The following LRMDA variants were observed in gnomAD, a reference collection of about 807,000 sequenced individuals.
LRMDA encodes leucine rich melanocyte differentiation associated, also known as leucine-rich melanocyte differentiation-associated protein.
Under a neutral mutation model 29.8 loss-of-function variants are expected in LRMDA, and 18 were observed. The observed-to-expected ratio is 0.60, with a 90% confidence interval of 0.42 to 0.90. LRMDA has a LOEUF of 0.90. Ranked by LOEUF, LRMDA falls within the 40% of genes least tolerant of loss-of-function variation. The pLI, the probability that LRMDA is intolerant of heterozygous loss-of-function variation, is 0.00. For missense variants in LRMDA, 273 were observed against 273.9 expected (o/e 1.00, Z 0.02); for synonymous variants, 125 against 109.4 (o/e 1.14, Z -0.89).
chr10:76,494,035 A>G (rs1273382114), intron 6 of LRMDA, among the ~76,000 whole-genome samples: 1 of 151,900 alleles, frequency 6.6e-6, no homozygotes, highest in Non-Finnish European at 1.5e-5. Flanking sequence ...TGTTACTTAC[A>G]TAAACTCATT....
chr10:75,602,809 A>T (rs781633206), intron 2 of LRMDA, among the ~76,000 whole-genome samples: 19 of 152,234 alleles, frequency 1.2e-4, no homozygotes, highest in Non-Finnish European at 2.2e-4. Flanking sequence ...AAAAGTTCAG[A>T]TTCAGGATAG....
chr10:76,090,111 G>C (rs992688290), intron 5 of LRMDA, among the ~76,000 whole-genome samples: 1 of 152,198 alleles, frequency 6.6e-6, no homozygotes, highest in Non-Finnish European at 1.5e-5. Flanking sequence ...GGAAAGTGGA[G>C]TGTGGGCTAC....
At position 75,563,492 on chromosome 10, in the gene LRMDA, G is replaced by A. The variant is rs534516297; in HGVS notation, c.131+124998G>A. Among the ~76,000 whole-genome samples the A allele has an allele frequency of 5.2e-3, 795 of 152,112 alleles. 6 individuals carry two copies. Among genetic ancestry groups the A allele is most frequent in the Non-Finnish European group, 7.5e-3 (511 of 67,996 alleles). The stretch of plus-strand genomic sequence containing the variant: ...TGGTTTGAATTTCCTCCTGTAGCTC[G>A]GAGTAGTTTGATCTTCTGAAGCCTT... On this transcript the variant is annotated intron_variant, in intron 2 of 6. Coordinates refer to ENST00000611255, the MANE Select transcript of LRMDA (RefSeq NM_001305581.2).
At chr10:76,057,299 C>T (rs1339800600) in intron 4 of LRMDA, among the ~76,000 whole-genome samples, 2 of 152,148 alleles carry the variant, frequency 1.3e-5, no homozygotes, top group Non-Finnish European at 2.9e-5. Context: ...ACTGAGAACA[C>T]CTTTGAGAGC....
chr10:76,491,259 T>G (rs1342884350), intron 6 of LRMDA, among the ~76,000 whole-genome samples: 3 of 152,008 alleles, frequency 2.0e-5, no homozygotes, highest in Non-Finnish European at 4.4e-5. Context: ...GTGTACTTAG[T>G]AAGACCAGTG....
rs565236615 is a variant in LRMDA at position 76,557,201 on chromosome 10, A to T, written c.602-8A>T. 56 of 1,612,142 alleles carry T rather than the reference A, an allele frequency of 3.5e-5. No homozygotes were observed. The East Asian group carries it at 1.2e-3, about 36-fold the overall frequency. ...CACCTGTAATGATGTGTGTCTTTTT[A>T]TTTGCAGGTGTCCTGGGGAAGTGTC... On this transcript the variant is annotated splice_polypyrimidine_tract_variant and splice_region_variant and intron_variant, in intron 6 of 6. Transcript: ENST00000611255.
At chr10:75,998,526 G>A (rs942722160) in intron 2 of LRMDA, among the ~76,000 whole-genome samples, 1 of 152,190 alleles carries the variant, frequency 6.6e-6, no homozygotes, top group Non-Finnish European at 1.5e-5. Context: ...ATAATAGCAA[G>A]CATGTATTGA....
At chr10:75,859,616 CA>C (rs1564588830) in intron 2 of LRMDA, among the ~76,000 whole-genome samples, 1 of 43,320 alleles carries the variant, frequency 2.3e-5, no homozygotes, top group East Asian at 1.1e-3. Context: ...CACACACACA[CA>C]CACACACACA....
intron 2 of LRMDA, among the ~76,000 whole-genome samples, chr10:75,574,489 ATGGCCACTACATT>A (rs1219536905): frequency 6.6e-6 from 1 of 152,186 alleles, no homozygotes; most frequent in Non-Finnish European, 1.5e-5. Flanking sequence ...TTCTGAACCC[ATGGCCACTACATT>A]TGGGCCTGTT....
chr10:75,491,238 T>C (rs1287852769), intron 2 of LRMDA, among the ~76,000 whole-genome samples: 2 of 152,240 alleles, frequency 1.3e-5, no homozygotes, highest in African/African-American at 2.4e-5. Context: ...TGTTTTAAGA[T>C]GTTTTGAGAC....
At chr10:75,701,866 T>C (rs1444455886) in intron 2 of LRMDA, among the ~76,000 whole-genome samples, 5 of 152,196 alleles carry the variant, frequency 3.3e-5, no homozygotes, top group Non-Finnish European at 7.3e-5. Context: ...TATACTGTCA[T>C]GTCACTCCCA....
intron 5 of LRMDA, among the ~76,000 whole-genome samples, chr10:76,240,097 C>CA (rs1852242930): frequency 6.6e-6 from 1 of 151,444 alleles, no homozygotes; most frequent in Admixed American, 6.6e-5. Context: ...AGACAATTCT[C>CA]AAAAAAGATA....
At chr10:76,180,514 C>T (rs1189144906) in intron 5 of LRMDA, among the ~76,000 whole-genome samples, 1 of 151,854 alleles carries the variant, frequency 6.6e-6, no homozygotes, top group Non-Finnish European at 1.5e-5. Flanking sequence ...CTCCTGACCT[C>T]GTGATCCTCC....
intron 2 of LRMDA, among the ~76,000 whole-genome samples, chr10:75,818,718 T>C (rs1269102712): frequency 6.6e-6 from 1 of 152,206 alleles, no homozygotes; most frequent in South Asian, 2.1e-4. Flanking sequence ...AGACCTGTCA[T>C]GGGATAGAGG....
intron 5 of LRMDA, among the ~76,000 whole-genome samples, chr10:76,186,070 A>AT (rs5786220): frequency 6.6e-5 from 10 of 151,242 alleles, no homozygotes; most frequent in South Asian, 6.3e-4. Context: ...AGCTGGTGGG[A>AT]TTTTTTTTTT....
At chr10:75,927,370 C>T (rs1166944686) in intron 2 of LRMDA, among the ~76,000 whole-genome samples, 1 of 152,176 alleles carries the variant, frequency 6.6e-6, no homozygotes, top group Non-Finnish European at 1.5e-5. Context: ...CCTGTTTTCT[C>T]CTTCACTTGT....
chr10:76,211,158 C>G (rs1246551640), intron 5 of LRMDA, among the ~76,000 whole-genome samples: 1 of 152,160 alleles, frequency 6.6e-6, no homozygotes, highest in Non-Finnish European at 1.5e-5. Flanking sequence ...TCATCTTGGG[C>G]TGAAATGTCC....
intron 5 of LRMDA, among the ~76,000 whole-genome samples, chr10:76,088,553 C>T (rs1004106385): frequency 5.9e-5 from 9 of 152,116 alleles, no homozygotes; most frequent in Admixed American, 1.3e-4. Context: ...GGATGGGAAG[C>T]CAGGCAGGAG....
intron 5 of LRMDA, among the ~76,000 whole-genome samples, chr10:76,269,364 G>A (rs1312376162): frequency 1.3e-5 from 2 of 152,102 alleles, no homozygotes; most frequent in African/African-American, 2.4e-5. Context: ...TCAACAATGG[G>A]AACTTTGCTT....
Sources: gnomAD v4.1 joint callset for allele counts (sites outside exome capture counted in the v4.1 genomes callset) on GRCh38, gnomAD v4.1.1 for gene constraint, MANE v1.5 for transcripts, NCBI Gene and HGNC (gene_info 2026-07-23, HGNC 2026-07-21) for gene names.